VDR: variants seen among roughly 807,000 people sequenced by gnomAD.
VDR encodes the protein vitamin D3 receptor.
Under a neutral mutation model 39.7 loss-of-function variants are expected in VDR, and 19 were observed. That is an observed-to-expected ratio of 0.48 (90% confidence interval 0.33 to 0.70). The LOEUF (loss-of-function observed/expected upper bound fraction) is 0.70. Ranked by LOEUF, VDR falls within the 30% of genes least tolerant of loss-of-function variation. The probability of loss-of-function intolerance (pLI) is 0.02; values close to 1 mark genes in which losing one functional copy is unlikely to be tolerated. For synonymous variants in VDR, 242 were observed against 215.8 expected, an observed-to-expected ratio of 1.12 and a Z score of -1.07; for missense variants, 442 against 570.5, an observed-to-expected ratio of 0.77 and a Z score of 2.29.
rs1021071419 is a variant in VDR, at chr12:47,865,037, G to A, written c.277+10C>T. The A allele has an allele frequency of 6.2e-7, 1 of 1,612,538 alleles. No homozygotes were observed. The highest frequency in any genetic ancestry group is 8.5e-7 in the Non-Finnish European group (1 of 1,178,868). On this transcript the variant is annotated intron_variant, in intron 4 of 9. Transcript: ENST00000549336. ...CAGGCCCAAACCCTGCCCAGCCCCT[G>A]GACACTCACACTCCTTCATCATGCC...
intron 1 of VDR, among the ~76,000 whole-genome samples, chr12:47,901,892 T>A (rs909732280): frequency 2.0e-5 from 3 of 152,114 alleles, no homozygotes; most frequent in Non-Finnish European, 4.4e-5. Flanking sequence ...TGAAGGGAAG[T>A]CACACGAGTG....
chr12:47,853,099 A>G (rs1050073022), intron 7 of VDR, among the ~76,000 whole-genome samples: 2 of 152,248 alleles, frequency 1.3e-5, no homozygotes, highest in Non-Finnish European at 2.9e-5. Flanking sequence ...ACAAATATAC[A>G]TAAATATAGC....
chr12:47,845,672 G>A lies in VDR; in HGVS notation c.1024+663C>T, dbSNP rs114496626. On this transcript the variant is annotated intron_variant, in intron 9 of 9. Transcript: ENST00000549336. ...CTCAATAAATTGTTGCTAAGTGGATGAATGAATGAGAGAAGGCTGGCTGGG... is the reference window on the plus strand; with the variant it reads ...CTCAATAAATTGTTGCTAAGTGGATAAATGAATGAGAGAAGGCTGGCTGGG... Among the ~76,000 whole-genome samples, 861 of 152,290 alleles carry A rather than the reference G, an allele frequency of 5.7e-3. 10 individuals are homozygous for A. Among genetic ancestry groups the A allele is most frequent in the African/African-American group, 0.019 (788 of 41,560 alleles).
chr12:47,882,507 C>A (rs1592139882), intron 2 of VDR, 187 bp downstream of exon 2: 1 of 580,168 alleles, frequency 1.7e-6, no homozygotes, highest in East Asian at 3.1e-5. Context: ...CTTCTCTGAA[C>A]TCCCACCCGC....
intron 2 of VDR, 47 bp downstream of exon 2, chr12:47,882,647 T>G (rs1223011277): frequency 3.5e-5 from 8 of 227,896 alleles, no homozygotes; most frequent in South Asian, 6.0e-5. Flanking sequence ...CCCCGCCCCT[T>G]GAAAACAGAA....
At chr12:47,886,246 G>T (rs904934377) in intron 1 of VDR, among the ~76,000 whole-genome samples, 1 of 152,240 alleles carries the variant, frequency 6.6e-6, no homozygotes, top group African/African-American at 2.4e-5. Context: ...AACCGCACAT[G>T]TACTTGTGCG....
At chr12:47,873,931 A>G (rs1167571577) in intron 3 of VDR, among the ~76,000 whole-genome samples, 2 of 152,196 alleles carry the variant, frequency 1.3e-5, no homozygotes, top group African/African-American at 4.8e-5. Context: ...ACATCTGACC[A>G]TGCTCTCCAC....
At chr12:47,863,510 G>A (rs1389040829) in intron 4 of VDR, among the ~76,000 whole-genome samples, 2 of 152,194 alleles carry the variant, frequency 1.3e-5, no homozygotes, top group African/African-American at 4.8e-5. Flanking sequence ...AGATGGGACT[G>A]TGCTGAGCAC....
intron 1 of VDR, chr12:47,896,470 G>C (rs1017150995): frequency 2.6e-5 from 4 of 152,198 alleles, no homozygotes; most frequent in Non-Finnish European, 5.9e-5. Context: ...TAGAGTGGGG[G>C]GAATGGACGA....
rs11574113 is a variant in VDR, at chr12:47,845,117, C to T, written c.1025-112G>A. 4.6e-6 allele frequency: 7 copies of T among 1,529,570 alleles called. No homozygotes were observed. The Admixed American group carries it at 6.8e-5, about 15-fold the overall frequency. The allele number at this position is 1,529,570 out of a possible 1,614,324, so 94.7% of individuals were successfully genotyped here. A position where few individuals can be genotyped will look rare whatever the true frequency, so the allele number is the denominator to read the frequency against. On this transcript the variant is annotated intron_variant, in intron 9 of 9. Transcript: ENST00000549336. ...ACACTCAACGGCAGCACCCCCTAGG[C>T]CACCCCTCTATGACTGCTGACCGGT...
rs1039910212 is a variant in VDR at position 47,844,066 on chromosome 12, C to T, written c.*680G>A. ...CTCAACCAACCCCTTAGACCCAGGG[C>T]GAGGAACTGTGAGCTTGGTGACAGG... is the stretch of plus-strand genomic sequence containing the variant. On this transcript the variant is annotated 3_prime_UTR_variant, in exon 10 of 10. Transcript: ENST00000549336. 1 of 155,274 alleles carries T rather than the reference C, an allele frequency of 6.4e-6. No homozygotes were observed. Among genetic ancestry groups the T allele is most frequent in the Non-Finnish European group, 1.4e-5 (1 of 70,074 alleles). 9.6% of individuals were successfully genotyped at this position (155,274 alleles called of 1,614,324 possible).
intron 3 of VDR, among the ~76,000 whole-genome samples, chr12:47,865,471 G>A (rs1346108110): frequency 6.6e-6 from 1 of 152,138 alleles, no homozygotes; most frequent in Non-Finnish European, 1.5e-5. Context: ...GAATGCAGTG[G>A]CATGATCTCA....
chr12:47,856,758 C>G (rs928624575), intron 6 of VDR, among the ~76,000 whole-genome samples: 1 of 152,092 alleles, frequency 6.6e-6, no homozygotes, highest in Non-Finnish European at 1.5e-5. Flanking sequence ...AGGACCAACA[C>G]GTTCACCTTC....
At chr12:47,879,217 AC>A in intron 2 of VDR, 102 bp from the exon 3 acceptor site, 3 of 1,234,058 alleles carry the variant, frequency 2.4e-6, no homozygotes, top group Non-Finnish European at 3.1e-6. Context: ...CACCGCCCCC[AC>A]CCCCCACCAC....
At chr12:47,867,949 G>T (rs1053645815) in intron 3 of VDR, among the ~76,000 whole-genome samples, 9 of 152,038 alleles carry the variant, frequency 5.9e-5, no homozygotes, top group Non-Finnish European at 7.4e-5. Flanking sequence ...ATAGAGAAGA[G>T]ACCAGAGTAG....
At chr12:47,888,271 G>C (rs554782783) in intron 1 of VDR, among the ~76,000 whole-genome samples, 1 of 152,142 alleles carries the variant, frequency 6.6e-6, no homozygotes, top group Non-Finnish European at 1.5e-5. Flanking sequence ...CACAACACGT[G>C]GGAATTCTGA....
intron 3 of VDR, among the ~76,000 whole-genome samples, chr12:47,875,032 C>A (rs553359598): frequency 1.7e-4 from 26 of 152,288 alleles, no homozygotes; most frequent in African/African-American, 6.0e-4. Flanking sequence ...TGAGGATGTC[C>A]CTGTATTCCA....
intron 2 of VDR, among the ~76,000 whole-genome samples, chr12:47,879,730 T>C (rs965994617): frequency 6.6e-6 from 1 of 152,242 alleles, no homozygotes; most frequent in Non-Finnish European, 1.5e-5. Context: ...CTGGTGTTCC[T>C]GTACCAAGAC....
At chr12:47,904,846 A>T in intron 1 of VDR, 109 bp downstream of exon 1, 1 of 441,488 alleles carries the variant, frequency 2.3e-6, no homozygotes, top group Non-Finnish European at 4.1e-6. Flanking sequence ...TACCGCTGAG[A>T]CTTAGACTCT....
Sources: gnomAD v4.1 joint callset for allele counts (sites outside exome capture counted in the v4.1 genomes callset) on GRCh38, gnomAD v4.1.1 for gene constraint, MANE v1.5 for transcripts, NCBI Gene and HGNC (gene_info 2026-07-23, HGNC 2026-07-21) for gene names.